Variants in ERBB4 observed in about 807,000 individuals in gnomAD.
ERBB4 encodes receptor tyrosine-protein kinase erbB-4.
In ERBB4, 42 loss-of-function variants were observed where a neutral mutation model predicts 158.0. The observed-to-expected ratio is 0.27, with a 90% confidence interval of 0.21 to 0.34. The LOEUF is 0.34. Among genes scored for constraint, ERBB4 ranks in the 10% least tolerant of loss-of-function variants. The probability of loss-of-function intolerance (pLI) is 1.00; values close to 1 mark genes in which losing one functional copy is unlikely to be tolerated. For synonymous variants in ERBB4, 583 were observed against 558.7 expected (o/e 1.04, Z -0.61); for missense variants, 1,333 against 1,624.1 (o/e 0.82, Z 3.08).
chr2:211,775,905 T>G (rs1019622359), intron 4 of ERBB4, among the ~76,000 whole-genome samples: 17 of 152,322 alleles, frequency 1.1e-4, no homozygotes, highest in Non-Finnish European at 1.5e-4. Context: ...GCTTAATCTA[T>G]AACTTTTTTA....
chr2:211,920,759 T>C (rs2079838123), intron 3 of ERBB4, among the ~76,000 whole-genome samples: 1 of 151,454 alleles, frequency 6.6e-6, no homozygotes, highest in Non-Finnish European at 1.5e-5. Context: ...TGAACTGACT[T>C]AAGTCTATGA....
intron 25 of ERBB4, among the ~76,000 whole-genome samples, chr2:211,409,895 G>T (rs1315228403): frequency 4.6e-5 from 7 of 152,058 alleles, no homozygotes; most frequent in Admixed American, 1.3e-4. Flanking sequence ...TGTCTTTAAG[G>T]TCCCTTGCAA....
At chr2:211,875,068 C>T (rs1305994054) in intron 3 of ERBB4, among the ~76,000 whole-genome samples, 4 of 111,122 alleles carry the variant, frequency 3.6e-5, no homozygotes, top group Non-Finnish European at 7.2e-5. Flanking sequence ...AAATAAAATG[C>T]TTTTAATCTA....
At chr2:211,757,773 TA>T (rs2075317972) in intron 4 of ERBB4, among the ~76,000 whole-genome samples, 1 of 152,202 alleles carries the variant, frequency 6.6e-6, no homozygotes, top group African/African-American at 2.4e-5. Flanking sequence ...TTGAAGATTC[TA>T]AAGTTACTTT....
intron 1 of ERBB4, among the ~76,000 whole-genome samples, chr2:212,265,489 G>A (rs1174384406): frequency 6.6e-6 from 1 of 152,098 alleles, no homozygotes; most frequent in Non-Finnish European, 1.5e-5. Context: ...AGAACTGCCA[G>A]ATAGAGTAAG....
At chr2:211,625,024 G>A (rs1008272601) in intron 17 of ERBB4, among the ~76,000 whole-genome samples, 1 of 151,356 alleles carries the variant, frequency 6.6e-6, no homozygotes, top group Non-Finnish European at 1.5e-5. Context: ...GGGAATGAAT[G>A]AGAAGGGGGC....
intron 20 of ERBB4, among the ~76,000 whole-genome samples, chr2:211,522,951 G>A (rs1399753722): frequency 6.6e-6 from 1 of 151,578 alleles, no homozygotes; most frequent in Non-Finnish European, 1.5e-5. Flanking sequence ...ATAATATCGT[G>A]GAGGTACACC....
intron 20 of ERBB4, among the ~76,000 whole-genome samples, chr2:211,456,143 A>C (rs913905782): frequency 1.3e-5 from 2 of 152,192 alleles, no homozygotes; most frequent in Admixed American, 1.3e-4. Context: ...TGTTTTATTC[A>C]AGTCTACTGT....
chr2:211,941,686 T>C lies in ERBB4; in HGVS notation c.421+5744A>G, dbSNP rs868620214. 1.0e-4 allele frequency among the ~76,000 whole-genome samples: 15 copies of C among 149,952 alleles called. No homozygotes were observed. In the South Asian group the frequency reaches 3.2e-3, roughly 32 times the overall value. On this transcript the variant is annotated intron_variant, in intron 3 of 27. Coordinates refer to ENST00000342788, the MANE Select transcript of ERBB4 (RefSeq NM_005235.3). The stretch of plus-strand genomic sequence containing the variant: ...AGAGAAACAGATCTTAAGCACAAAG[T>C]AGTTAGAAGACACACTGAAATTTGG...
chr2:212,453,512 G>C (rs988492776), intron 1 of ERBB4, among the ~76,000 whole-genome samples: 4 of 152,042 alleles, frequency 2.6e-5, no homozygotes, highest in African/African-American at 9.7e-5. Context: ...TTTAAATAGG[G>C]TTCTTATTTA....
At chr2:212,305,062 T>G (rs1327222402) in intron 1 of ERBB4, among the ~76,000 whole-genome samples, 1 of 151,372 alleles carries the variant, frequency 6.6e-6, no homozygotes, top group Non-Finnish European at 1.5e-5. Context: ...AAATATTTAT[T>G]GAAACTTATG....
chr2:212,449,091 A>T (rs572144467), intron 1 of ERBB4, among the ~76,000 whole-genome samples: 20 of 152,226 alleles, frequency 1.3e-4, no homozygotes, highest in African/African-American at 4.8e-4. Context: ...TGTGGCTTCT[A>T]TCATTCTTTC....
intron 4 of ERBB4, among the ~76,000 whole-genome samples, chr2:211,784,545 A>G (rs2076111758): frequency 6.6e-6 from 1 of 152,206 alleles, no homozygotes; most frequent in Non-Finnish European, 1.5e-5. Flanking sequence ...GTTATTATGA[A>G]TAATGCTGCT....
chr2:212,059,045 T>C (rs930008470), intron 2 of ERBB4, among the ~76,000 whole-genome samples: 4 of 152,162 alleles, frequency 2.6e-5, no homozygotes, highest in Non-Finnish European at 4.4e-5. Context: ...GAAAACCCCA[T>C]TGTCTCAGCC....
At chr2:212,070,851 G>A (rs2078094068) in intron 2 of ERBB4, among the ~76,000 whole-genome samples, 1 of 151,834 alleles carries the variant, frequency 6.6e-6, no homozygotes, top group Non-Finnish European at 1.5e-5. Context: ...TTAAGAATCA[G>A]ATTGCCATTT....
intron 19 of ERBB4, among the ~76,000 whole-genome samples, chr2:211,606,794 A>G (rs1010538384): frequency 2.6e-5 from 4 of 152,192 alleles, no homozygotes; most frequent in African/African-American, 9.6e-5. Flanking sequence ...GTATAGTAGC[A>G]CATTCATTAA....
chr2:211,525,607 G>T (rs1456484916), intron 20 of ERBB4, among the ~76,000 whole-genome samples: 1 of 152,046 alleles, frequency 6.6e-6, no homozygotes, highest in Non-Finnish European at 1.5e-5. Context: ...GCACCAGGTC[G>T]GCCACACACT....
At chr2:211,944,074 G>A (rs1453589129) in intron 3 of ERBB4, among the ~76,000 whole-genome samples, 4 of 77,312 alleles carry the variant, frequency 5.2e-5, no homozygotes, top group Non-Finnish European at 1.1e-4. Flanking sequence ...ATATACACAT[G>A]GTTACACTAT....
At chr2:212,500,819 G>T (rs1690846443) in intron 1 of ERBB4, among the ~76,000 whole-genome samples, 1 of 152,110 alleles carries the variant, frequency 6.6e-6, no homozygotes, top group Non-Finnish European at 1.5e-5. Flanking sequence ...AAGAGGAAAA[G>T]AAGGAGATTT....
Sources: allele counts gnomAD v4.1 joint callset (sites outside exome capture counted in the v4.1 genomes callset), GRCh38; gene constraint gnomAD v4.1.1; transcripts MANE v1.5; gene names NCBI Gene and HGNC (gene_info 2026-07-23, HGNC 2026-07-21).